The following GDAP1L1 variants were observed in gnomAD, a reference collection of about 807,000 sequenced individuals.
GDAP1L1 encodes the protein ganglioside induced differentiation associated protein 1 like 1, also known as ganglioside-induced differentiation-associated protein 1-like 1.
In GDAP1L1, 21 loss-of-function variants were observed where a neutral mutation model predicts 37.1. That is an observed-to-expected ratio of 0.57 (90% CI 0.40 to 0.81). The LOEUF (loss-of-function observed/expected upper bound fraction) is 0.81. Ranked by LOEUF, GDAP1L1 falls within the 40% of genes least tolerant of loss-of-function variation. The probability of loss-of-function intolerance (pLI) is 0.00; values close to 1 mark genes in which losing one functional copy is unlikely to be tolerated. For missense variants in GDAP1L1, 362 were observed against 491.6 expected, an observed-to-expected ratio of 0.74 and a Z score of 2.49; for synonymous variants, 193 against 209.1, an observed-to-expected ratio of 0.92 and a Z score of 0.67.
chr20:44,262,570 AG>A (rs2146020838), intron 3 of GDAP1L1, among the ~76,000 whole-genome samples: 1 of 152,208 alleles, frequency 6.6e-6, no homozygotes, highest in South Asian at 2.1e-4. Context: ...GAGGTCTCTC[AG>A]CCCCTTGTGC....
At chr20:44,268,246 T>C (rs1342280821) in intron 5 of GDAP1L1, among the ~76,000 whole-genome samples, 3 of 152,250 alleles carry the variant, frequency 2.0e-5, no homozygotes, top group Non-Finnish European at 2.9e-5. Context: ...TGGAACTCAC[T>C]TCATCTCTCT....
chr20:44,250,349 T>C (rs1467085883), intron 1 of GDAP1L1, among the ~76,000 whole-genome samples: 2 of 152,148 alleles, frequency 1.3e-5, no homozygotes, highest in East Asian at 1.9e-4. Flanking sequence ...CACCTGTAAA[T>C]TGAGAATATT....
intron 2 of GDAP1L1, chr20:44,258,226 T>A: frequency 1.4e-6 from 1 of 720,522 alleles, no homozygotes; most frequent in East Asian, 2.7e-5. Context: ...TGAGAGGAGC[T>A]AACCCTCGGG....
intron 3 of GDAP1L1, 70 bp downstream of exon 3, chr20:44,258,677 G>A (rs2073612790): frequency 4.4e-6 from 5 of 1,144,506 alleles, no homozygotes; most frequent in Non-Finnish European, 6.3e-6. Context: ...TCCAAAGGAT[G>A]TCCTCCCTCT....
upstream of GDAP1L1, chr20:44,247,294 G>A (rs562714366): frequency 1.9e-6 from 3 of 1,605,058 alleles, no homozygotes; most frequent in South Asian, 3.3e-5. Flanking sequence ...GAGCCGCCGC[G>A]CCGGAGCCTC....
chr20:44,256,996 AT>A (rs2073561668), intron 1 of GDAP1L1, 156 bp from the exon 2 acceptor site: 1 of 298,728 alleles, frequency 3.3e-6, no homozygotes, highest in Non-Finnish European at 4.9e-6. Flanking sequence ...CCTGGGAGAT[AT>A]CCCCCCAAAC....
intron 5 of GDAP1L1, among the ~76,000 whole-genome samples, chr20:44,268,491 A>C (rs1449013744): frequency 1.3e-5 from 2 of 152,250 alleles, no homozygotes; most frequent in Non-Finnish European, 2.9e-5. Context: ...CTCAGACCTC[A>C]TTCTTGGTTT....
intron 5 of GDAP1L1, among the ~76,000 whole-genome samples, chr20:44,270,534 G>C (rs1318467723): frequency 6.6e-6 from 1 of 152,198 alleles, no homozygotes; most frequent in African/African-American, 2.4e-5. Context: ...TTCTGGAGCA[G>C]CTGAGCTGGA....
rs77239236 is a variant in GDAP1L1 at position 44,273,733 on chromosome 20, C to T, written c.761-5224C>T. 3.4e-3 allele frequency among the ~76,000 whole-genome samples: 524 copies of T among 152,266 alleles called. 11 individuals are homozygous for T. The highest frequency in any genetic ancestry group is 0.027 in the Admixed American group (413 of 15,296). On this transcript the variant is annotated intron_variant, in intron 5 of 5. Coordinates refer to ENST00000342560, the MANE Select transcript of GDAP1L1 (RefSeq NM_024034.6). ...CCTCAATGCTGCCCCAAGCCTCCCC[C>T]CTTCACTCTCTAGATGACTCCTTTA... is the stretch of plus-strand genomic sequence containing the variant.
At chr20:44,267,957 G>T (rs2062473345) in intron 5 of GDAP1L1, among the ~76,000 whole-genome samples, 1 of 152,226 alleles carries the variant, frequency 6.6e-6, no homozygotes, top group East Asian at 1.9e-4. Context: ...GGTGTCGACA[G>T]TCCTTGCATC....
rs192335854 is a variant in GDAP1L1, at chr20:44,258,368, C to T, written c.374-66C>T. ...GAGACATCTTGGGGCTCAGGGATGCCGGGGGCAGGTGGCCGGGGCAGGTGC... is the reference window on the plus strand; with the variant it reads ...GAGACATCTTGGGGCTCAGGGATGCTGGGGGCAGGTGGCCGGGGCAGGTGC... On this transcript the variant is annotated intron_variant, in intron 2 of 5. Transcript: ENST00000342560. The T allele has an allele frequency of 1.9e-3, 2,746 of 1,480,576 alleles. 46 individuals are homozygous for T. The African/African-American group carries it at 0.034, about 19-fold the overall frequency. The allele number at this position is 1,480,576 out of a possible 1,614,324, so 91.7% of individuals were successfully genotyped here.
intron 1 of GDAP1L1, among the ~76,000 whole-genome samples, chr20:44,248,209 C>A (rs2073369785): frequency 6.6e-6 from 1 of 152,244 alleles, no homozygotes; most frequent in Non-Finnish European, 1.5e-5. Flanking sequence ...ACCTGAGGGG[C>A]AGTTGGAAAT....
At chr20:44,263,443 C>A in intron 4 of GDAP1L1, 116 bp downstream of exon 4, 1 of 797,054 alleles carries the variant, frequency 1.3e-6, no homozygotes. Context: ...AAGCCCCTGG[C>A]TTGCTTTTCC....
chr20:44,272,903 C>T (rs747180304), intron 5 of GDAP1L1, among the ~76,000 whole-genome samples: 6 of 152,178 alleles, frequency 3.9e-5, no homozygotes, highest in Non-Finnish European at 5.9e-5. Context: ...TATAAACAAT[C>T]GGCTGCATGG....
At chr20:44,266,944 C>T (rs2073770393) in intron 5 of GDAP1L1, among the ~76,000 whole-genome samples, 1 of 152,186 alleles carries the variant, frequency 6.6e-6, no homozygotes, top group Non-Finnish European at 1.5e-5. Flanking sequence ...CTGACGATAA[C>T]TGATGAGCTT....
chr20:44,278,956 G>A lies in GDAP1L1; in HGVS notation c.761-1G>A. The A allele has an allele frequency of 6.2e-7, 1 of 1,606,178 alleles. No homozygotes were observed. The highest frequency in any genetic ancestry group is 8.5e-7 in the Non-Finnish European group (1 of 1,173,744). On this transcript the variant is annotated splice_acceptor_variant, in intron 5 of 5. Transcript: ENST00000342560. LOFTEE classifies it high-confidence loss of function. ...CTTGCCTCCTCTTTCTTCCACTCTA[G>A]GGCAGAAATGCGAGCTGTGGCTCTG... is the stretch of plus-strand genomic sequence containing the variant.
In GDAP1L1 at chr20:44,279,901, T is replaced by C. The variant is rs2062624224; in HGVS notation, c.*601T>C. 2 of 413,384 alleles carry C rather than the reference T, an allele frequency of 4.8e-6. No homozygotes were observed. The highest frequency in any genetic ancestry group is 9.8e-6 in the Non-Finnish European group (2 of 204,390). 25.6% of individuals were successfully genotyped at this position (413,384 alleles called of 1,614,324 possible). Reference sequence around the variant, plus strand: ...GTGGCACCCAAAAACCAGGCTGCAGTGGGGACGGATACCATGAGCACACCC... The same window carrying C: ...GTGGCACCCAAAAACCAGGCTGCAGCGGGGACGGATACCATGAGCACACCC... On this transcript the variant is annotated 3_prime_UTR_variant, in exon 6 of 6. Coordinates refer to ENST00000342560, the MANE Select transcript of GDAP1L1 (RefSeq NM_024034.6).
intron 5 of GDAP1L1, among the ~76,000 whole-genome samples, chr20:44,274,100 T>C (rs1375054962): frequency 6.6e-6 from 1 of 152,174 alleles, no homozygotes. Context: ...AATACGGTAG[T>C]ATATATGCCC....
At chr20:44,253,808 C>T (rs531962799) in intron 1 of GDAP1L1, among the ~76,000 whole-genome samples, 66 of 152,326 alleles carry the variant, frequency 4.3e-4, no homozygotes, top group Non-Finnish European at 4.3e-4. Context: ...TCTCCTTGGC[C>T]GCCTGCCAGG....
Sources: gnomAD v4.1 joint callset for allele counts (sites outside exome capture counted in the v4.1 genomes callset) on GRCh38, gnomAD v4.1.1 for gene constraint, MANE v1.5 for transcripts, NCBI Gene and HGNC (gene_info 2026-07-23, HGNC 2026-07-21) for gene names.